The following C3orf20 variants were observed in gnomAD, a reference collection of about 807,000 sequenced individuals.
C3orf20 encodes family with sequence similarity 149 member C, also known as uncharacterized protein C3orf20.
A neutral mutation model predicts 88.3 loss-of-function variants in C3orf20; 76 were observed. That is an observed-to-expected ratio of 0.86 (90% CI 0.72 to 1.04). The LOEUF is 1.04. C3orf20 is among the 50% of genes least tolerant of loss of function. The pLI, the probability that C3orf20 is intolerant of heterozygous loss-of-function variation, is 0.00. For missense variants in C3orf20, 1,056 were observed against 1,123.3 expected (o/e 0.94, Z 0.86); for synonymous variants, 436 against 437.4 (o/e 1.00, Z 0.04).
chr3:14,682,563 G>A lies in C3orf20; in HGVS notation c.-136-15G>A. ...GGGGAGAGTGACTAACTCTTTTCTTGTCCTTTCCGGATAGGAACCACTGGC... is the reference window on the plus strand; with the variant it reads ...GGGGAGAGTGACTAACTCTTTTCTTATCCTTTCCGGATAGGAACCACTGGC... On this transcript the variant is annotated splice_polypyrimidine_tract_variant and intron_variant, in intron 2 of 16. Coordinates refer to ENST00000253697, the MANE Select transcript of C3orf20 (RefSeq NM_032137.5). 9.4e-7 allele frequency: 1 copy of A among 1,062,232 alleles called. No homozygotes were observed. The highest frequency in any genetic ancestry group is 1.4e-6 in the Non-Finnish European group (1 of 738,530). The allele number at this position is 1,062,232 out of a possible 1,614,324, so 65.8% of individuals were successfully genotyped here.
chr3:14,687,648 G>C (rs528719339), intron 4 of C3orf20, among the ~76,000 whole-genome samples: 1 of 152,138 alleles, frequency 6.6e-6, no homozygotes, highest in Admixed American at 6.5e-5. Flanking sequence ...CCCAACCCTC[G>C]GGCCTGACAC....
In C3orf20 at chr3:14,768,028, C is replaced by T. The variant is rs921238878; in HGVS notation, c.2496-4039C>T. 1.3e-5 allele frequency among the ~76,000 whole-genome samples: 2 copies of T among 152,250 alleles called. No individual in the cohort carries two copies. The highest frequency in any genetic ancestry group is 1.5e-5 in the Non-Finnish European group (1 of 68,048). ...AGCGCTACAGAAACACCAATGTGAG[C>T]CTCAAGAGGCTTTGTATCCTGTAAC... On this transcript the variant is annotated intron_variant, in intron 15 of 16. Transcript: ENST00000253697. This position sits in a 1 kb window ranked among gnomAD's most constrained non-coding sequence, Gnocchi z 4.1.
intron 10 of C3orf20, among the ~76,000 whole-genome samples, chr3:14,723,905 A>G (rs1191801089): frequency 6.6e-6 from 1 of 151,960 alleles, no homozygotes; most frequent in African/African-American, 2.4e-5. Context: ...GGCTCACTGC[A>G]GCCTCCGCCT....
chr3:14,728,419 G>A lies in C3orf20; in HGVS notation c.1691-20G>A, dbSNP rs770213565. 1.4e-5 allele frequency: 22 copies of A among 1,612,750 alleles called. No individual in the cohort carries two copies. The highest frequency in any genetic ancestry group is 1.8e-5 in the Non-Finnish European group (21 of 1,178,994). On this transcript the variant is annotated intron_variant, in intron 11 of 16. Transcript: ENST00000253697. Reference sequence around the variant, plus strand: ...TCCTGGCCATGAAGGGAAAATGACAGCAGCATCTTCTGTTAACAGGTCTGT... The same window carrying A: ...TCCTGGCCATGAAGGGAAAATGACAACAGCATCTTCTGTTAACAGGTCTGT...
chr3:14,741,123 G>A (rs1486224480), intron 12 of C3orf20, among the ~76,000 whole-genome samples: 5 of 152,174 alleles, frequency 3.3e-5, no homozygotes, highest in Admixed American at 2.0e-4. Context: ...TTCAACAGGC[G>A]AGTAGGCTGG....
At chr3:14,740,033 T>C (rs1225516342) in intron 12 of C3orf20, among the ~76,000 whole-genome samples, 1 of 152,238 alleles carries the variant, frequency 6.6e-6, no homozygotes, top group Non-Finnish European at 1.5e-5. Context: ...GTCTTATTTG[T>C]GCATTCATTG....
At chr3:14,690,401 C>T (rs2032668208) in intron 5 of C3orf20, among the ~76,000 whole-genome samples, 1 of 152,178 alleles carries the variant, frequency 6.6e-6, no homozygotes, top group African/African-American at 2.4e-5. Flanking sequence ...GGACAACATC[C>T]CACCAAACCC....
rs78980917 is a variant in C3orf20, at chr3:14,701,884, G to A, written c.746-1246G>A. ...CTGACACATCCATCACAGATGACTC[G>A]CAGTATGAGTAACATCTCTGTTTGA... On this transcript the variant is annotated intron_variant, in intron 5 of 16. Coordinates refer to ENST00000253697, the MANE Select transcript of C3orf20 (RefSeq NM_032137.5). The surrounding 1 kb of genome is among the most constrained non-coding windows in gnomAD (Gnocchi z 4.6). 5.1e-3 allele frequency among the ~76,000 whole-genome samples: 769 copies of A among 152,196 alleles called. 6 individuals carry two copies. Among genetic ancestry groups the A allele is most frequent in the East Asian group, 0.01 (54 of 5,170 alleles).
intron 10 of C3orf20, among the ~76,000 whole-genome samples, chr3:14,725,382 C>T (rs4685212): frequency 0.43 from 65,452 of 151,846 alleles, 14,336 homozygotes; most frequent in Middle Eastern, 0.5. Context: ...CTGGAAAGAG[C>T]CACCCATCAG....
intron 12 of C3orf20, among the ~76,000 whole-genome samples, chr3:14,729,697 C>T (rs2034473627): frequency 6.6e-6 from 1 of 152,130 alleles, no homozygotes; most frequent in South Asian, 2.1e-4. Flanking sequence ...AGGCATGCAC[C>T]ACCACGCCTG....
intron 11 of C3orf20, among the ~76,000 whole-genome samples, chr3:14,727,740 A>G (rs1211154653): frequency 1.3e-5 from 2 of 152,172 alleles, no homozygotes; most frequent in African/African-American, 2.4e-5. Flanking sequence ...TTGGGCTCCC[A>G]TAGCACTTAA....
Position 14,721,777 on chromosome 3 carries a change from A to T in C3orf20, c.1559A>T (p.Asp520Val). 1 of 1,614,138 alleles carries T rather than the reference A, an allele frequency of 6.2e-7. No individual in the cohort carries two copies. The highest frequency in any genetic ancestry group is 8.5e-7 in the Non-Finnish European group (1 of 1,180,002). ...AATTGTCCCCATGGAATGGCATATGACAAACGGGTAAGGCAAGGCAGACTA... is the reference window on the plus strand; with the variant it reads ...AATTGTCCCCATGGAATGGCATATGTCAAACGGGTAAGGCAAGGCAGACTA... ...ANNCPHGMAY[D>V]KRLNRRISNM... Residue 520 changes from aspartate (D) to valine (V), a missense_variant, in exon 10 of 17, where the codon GAC becomes GTC. Coordinates refer to ENST00000253697, the MANE Select transcript of C3orf20 (RefSeq NM_032137.5).
At chr3:14,679,460 G>C (rs898127247) in intron 1 of C3orf20, among the ~76,000 whole-genome samples, 4 of 152,220 alleles carry the variant, frequency 2.6e-5, no homozygotes, top group Non-Finnish European at 5.9e-5. Flanking sequence ...AAAAAGCCTG[G>C]AGGTGGATGG....
At chr3:14,718,466 C>T (rs73137414) in intron 9 of C3orf20, among the ~76,000 whole-genome samples, 92 of 152,288 alleles carry the variant, frequency 6.0e-4, no homozygotes, top group African/African-American at 1.9e-3. Flanking sequence ...TCCCTTACCT[C>T]ATCTAGTGTA....
chr3:14,702,056 G>C (rs557555645), intron 5 of C3orf20, among the ~76,000 whole-genome samples: 3 of 152,186 alleles, frequency 2.0e-5, no homozygotes, highest in Admixed American at 6.5e-5. Flanking sequence ...AACCCCTCCT[G>C]TATTAGTTTT....
chr3:14,745,352 C>T (rs1366850185), intron 12 of C3orf20, among the ~76,000 whole-genome samples: 4 of 152,324 alleles, frequency 2.6e-5, no homozygotes, highest in Non-Finnish European at 5.9e-5. Context: ...CTGGCAAAAC[C>T]CAACTAGAGT....
intron 5 of C3orf20, among the ~76,000 whole-genome samples, chr3:14,697,936 AT>A (rs2033081416): frequency 6.6e-6 from 1 of 151,952 alleles, no homozygotes; most frequent in Non-Finnish European, 1.5e-5. Flanking sequence ...TATGTGCCAC[AT>A]TTTCTTAATC....
At chr3:14,758,457 C>A (rs1380510326) in intron 13 of C3orf20, among the ~76,000 whole-genome samples, 1 of 152,170 alleles carries the variant, frequency 6.6e-6, no homozygotes, top group Non-Finnish European at 1.5e-5. Flanking sequence ...ATGTAATCCT[C>A]CAAGCATGCA....
intron 7 of C3orf20, among the ~76,000 whole-genome samples, chr3:14,707,086 A>G (rs1276765302): frequency 6.6e-6 from 1 of 151,850 alleles, no homozygotes; most frequent in Non-Finnish European, 1.5e-5. Flanking sequence ...CGTCTCTACT[A>G]AAAATACAAA....
Sources: allele counts gnomAD v4.1 joint callset (sites outside exome capture counted in the v4.1 genomes callset), GRCh38; gene constraint gnomAD v4.1.1; non-coding constraint Gnocchi (gnomAD v3.1); transcripts MANE v1.5; gene names NCBI Gene and HGNC (gene_info 2026-07-23, HGNC 2026-07-21).